Variants in GBP3 observed in about 807,000 individuals in gnomAD.
GBP3 encodes the protein guanylate binding protein 3, also known as guanylate-binding protein 3.
GBP3 carries 55 observed loss-of-function variants against 62.4 expected under a neutral mutation model. The ratio of observed to expected loss-of-function variants is 0.88; its 90% CI spans 0.71 to 1.10. The LOEUF (loss-of-function observed/expected upper bound fraction) is 1.10. Among genes scored for constraint, GBP3 ranks in the 50% least tolerant of loss-of-function variants. GBP3 has a pLI of 0.00. For synonymous variants in GBP3, 208 were observed against 259.2 expected, an observed-to-expected ratio of 0.80 and a Z score of 1.90; for missense variants, 605 against 690.6, an observed-to-expected ratio of 0.88 and a Z score of 1.39.
chr1:89,012,542 GTAAATA>G (rs141982464), intron 6 of GBP3, among the ~76,000 whole-genome samples: 1,537 of 139,068 alleles, frequency 0.011, 300 homozygotes, highest in South Asian at 0.019. Context: ...CTAAGTACAT[GTAAATA>G]TAAGCCTTTG....
Position 89,014,337 on chromosome 1 carries a change from T to G in GBP3, c.429-58A>C, listed in dbSNP as rs1678762900. ...GAACAGGAACCTCATCCCATATTAG[T>G]TCAACACATTCCCAAACCTTCCATT... On this transcript the variant is annotated intron_variant, in intron 4 of 10. Coordinates refer to ENST00000370481, the MANE Select transcript of GBP3 (RefSeq NM_018284.3). The G allele has an allele frequency of 1.9e-6, 3 of 1,612,262 alleles. No individual in the cohort carries two copies. In the East Asian group the frequency reaches 6.7e-5, roughly 36 times the overall value.
At position 89,014,259 on chromosome 1, in the gene GBP3, T is replaced by A. The variant is rs1242636841; in HGVS notation, c.449A>T (p.His150Leu). The A allele has an allele frequency of 6.2e-7, 1 of 1,614,082 alleles. No individual in the cohort carries two copies. The highest frequency in any genetic ancestry group is 8.5e-7 in the Non-Finnish European group (1 of 1,180,042). Reference protein sequence around the residue: ...DQLYYVTELTHRIRSKSSPDE... With the variant: ...DQLYYVTELTLRIRSKSSPDE... ...AGGTGAGGATTTTGATCGGATTCGA[T>A]GTGTCAGCTCTGTCACATAGCTGAG... Residue 150 changes from histidine to leucine, a missense_variant, in exon 5 of 11, where the codon CAT (histidine) becomes CTT (leucine). Physicochemically the swap from His to Leu is moderately conservative, Grantham distance 99. Coordinates refer to ENST00000370481, the MANE Select transcript of GBP3 (RefSeq NM_018284.3).
chr1:89,020,468 T>C, intron 2 of GBP3, 64 bp downstream of exon 2: 1 of 1,589,350 alleles, frequency 6.3e-7, no homozygotes, highest in South Asian at 1.1e-5. Context: ...CACATCCTCA[T>C]AATGGATGCT....
At position 89,014,004 on chromosome 1, in the gene GBP3, A is replaced by G. The variant is rs560581644; in HGVS notation, c.625+79T>C. 7 of 1,433,970 alleles carry G rather than the reference A, an allele frequency of 4.9e-6. No homozygotes were observed. The South Asian group carries it at 6.0e-5, about 12-fold the overall frequency. The allele number at this position is 1,433,970 out of a possible 1,614,324, so 88.8% of individuals were successfully genotyped here. ...GATATAGAAAACTGTAAATGTGAGAAAACTATCAATAGTAAACTAAAAAAT... is the reference window on the plus strand; with the variant it reads ...GATATAGAAAACTGTAAATGTGAGAGAACTATCAATAGTAAACTAAAAAAT... On this transcript the variant is annotated intron_variant, in intron 5 of 10. Coordinates refer to ENST00000370481, the MANE Select transcript of GBP3 (RefSeq NM_018284.3).
chr1:89,013,967 T>C (rs1678730745), intron 5 of GBP3, 116 bp downstream of exon 5: 4 of 1,141,208 alleles, frequency 3.5e-6, no homozygotes, highest in Non-Finnish European at 3.8e-6. Flanking sequence ...TTCTTAAGAA[T>C]AGCAAGCTAG....
intron 8 of GBP3, 117 bp from the exon 9 acceptor site, chr1:89,009,611 G>A (rs1255294501): frequency 1.6e-5 from 23 of 1,444,558 alleles, no homozygotes; most frequent in Non-Finnish European, 2.2e-5. Flanking sequence ...TGGTGTGCCT[G>A]GTGGTCAAGA....
chr1:89,007,335 C>G lies in GBP3; in HGVS notation c.*389G>C, dbSNP rs1220533960. On this transcript the variant is annotated 3_prime_UTR_variant, in exon 11 of 11. Coordinates refer to ENST00000370481, the MANE Select transcript of GBP3 (RefSeq NM_018284.3). Reference sequence around the variant, plus strand: ...CTTGTAGCCTTGATATAATGGAGAACTGTACACTGTCTTCCCTAGGAAGCT... The same window carrying G: ...CTTGTAGCCTTGATATAATGGAGAAGTGTACACTGTCTTCCCTAGGAAGCT... 1 of 171,860 alleles carries G rather than the reference C, an allele frequency of 5.8e-6. No homozygotes were observed. Among genetic ancestry groups the G allele is most frequent in the African/African-American group, 2.4e-5 (1 of 41,720 alleles). The allele number at this position is 171,860 out of a possible 1,614,324, so 10.6% of individuals were successfully genotyped here.
chr1:89,021,544 A>ACACACACAC (rs761151308), intron 1 of GBP3, among the ~76,000 whole-genome samples: 4 of 141,042 alleles, frequency 2.8e-5, no homozygotes, highest in South Asian at 4.8e-4. Context: ...ACACACACAC[A>ACACACACAC]CCCCAAAAAA....
chr1:89,019,447 C>A (rs1489688501), intron 2 of GBP3, among the ~76,000 whole-genome samples: 1 of 152,182 alleles, frequency 6.6e-6, no homozygotes, highest in Non-Finnish European at 1.5e-5. Context: ...TGCCACCATG[C>A]CCAGCTAATT....
intron 1 of GBP3, among the ~76,000 whole-genome samples, chr1:89,021,510 G>A (rs12410283): frequency 0.01 from 1,337 of 131,700 alleles, 27 homozygotes; most frequent in South Asian, 0.066. Flanking sequence ...GCGCGCGCGC[G>A]CACACACACA....
At position 89,011,649 on chromosome 1, in the gene GBP3, A is replaced by G. The variant is rs1243784735; in HGVS notation, c.1149+98T>C. 5.4e-6 allele frequency: 7 copies of G among 1,306,542 alleles called. 1 individual carries two copies. In the South Asian group the frequency reaches 9.6e-5, roughly 18 times the overall value. The allele number at this position is 1,306,542 out of a possible 1,614,324, so 80.9% of individuals were successfully genotyped here. ...ACTAGTTGTCACCATTTTAAAATCT[A>G]GAATAATTATTTGTCTCAAAATAAA... On this transcript the variant is annotated intron_variant, in intron 7 of 10. Coordinates refer to ENST00000370481, the MANE Select transcript of GBP3 (RefSeq NM_018284.3).
intron 2 of GBP3, among the ~76,000 whole-genome samples, chr1:89,015,750 A>G (rs1429058092): frequency 6.1e-5 from 9 of 148,604 alleles, no homozygotes; most frequent in African/African-American, 2.2e-4. Flanking sequence ...GTCTTAAAAA[A>G]AAAAAAAAAA....
intron 2 of GBP3, among the ~76,000 whole-genome samples, chr1:89,018,031 G>A (rs113611878): frequency 0.078 from 11,846 of 151,578 alleles, 1,552 homozygotes; most frequent in African/African-American, 0.27. Context: ...GTGAGCTGGG[G>A]TCGTGCCACT....
Position 89,007,618 on chromosome 1 carries a change from G to T in GBP3, c.*106C>A. 6.7e-6 allele frequency: 7 copies of T among 1,051,372 alleles called. No homozygotes were observed. Among genetic ancestry groups the T allele is most frequent in the Non-Finnish European group, 9.8e-6 (7 of 716,458 alleles). The allele number at this position is 1,051,372 out of a possible 1,614,324, so 65.1% of individuals were successfully genotyped here. On this transcript the variant is annotated 3_prime_UTR_variant, in exon 11 of 11. Transcript: ENST00000370481. ...CTGCATGTTCTTGTAAACTTTTAGTGTTATGATGCAAGATCTAATTATTAT... is the reference window on the plus strand; with the variant it reads ...CTGCATGTTCTTGTAAACTTTTAGTTTTATGATGCAAGATCTAATTATTAT...
chr1:89,011,351 G>A (rs1466893571), intron 7 of GBP3, among the ~76,000 whole-genome samples: 1 of 139,586 alleles, frequency 7.2e-6, no homozygotes, highest in East Asian at 2.1e-4. Context: ...TTAGAGGAAA[G>A]CTCTGCTTTT....
At chr1:89,009,561 G>C in intron 8 of GBP3, 67 bp from the exon 9 acceptor site, 4 of 1,593,268 alleles carry the variant, frequency 2.5e-6, no homozygotes, top group Non-Finnish European at 3.4e-6. Context: ...CTGTTCTTCT[G>C]CCCACCATCT....
intron 10 of GBP3, 94 bp downstream of exon 10, chr1:89,008,853 T>G: frequency 6.3e-7 from 1 of 1,584,046 alleles, no homozygotes; most frequent in South Asian, 1.1e-5. Flanking sequence ...ATCCTTCCCC[T>G]GGGCTTTATG....
Position 89,014,610 on chromosome 1 carries a change from A to C in GBP3, c.365T>G (p.Leu122Arg). ...GCTATTGTACACGAGAGTGCTGCTC[A>C]GGAGGACGGCCAGGGTGAAGATCCA... ...DSWIFTLAVL[L>R]SSTLVYNSMG... Residue 122 changes from leucine (L) to arginine (R), a missense_variant, in exon 4 of 11, where the codon CTG becomes CGG. Physicochemically the swap from Leu to Arg is moderately radical, Grantham distance 102. This residue lies in a region of GBP3 where 308 missense variants were observed against 318.0 expected (regional missense o/e 0.97). Coordinates refer to ENST00000370481, the MANE Select transcript of GBP3 (RefSeq NM_018284.3). 1 of 1,614,136 alleles carries C rather than the reference A, an allele frequency of 6.2e-7. No individual in the cohort carries two copies. Among genetic ancestry groups the C allele is most frequent in the Non-Finnish European group, 8.5e-7 (1 of 1,180,002 alleles).
chr1:89,015,476 G>A (rs1001453925), intron 2 of GBP3, 62 bp from the exon 3 acceptor site: 1 of 1,505,038 alleles, frequency 6.6e-7, no homozygotes, highest in African/African-American at 1.4e-5. Context: ...TCAGGAAATT[G>A]AGGCAAATGT....
Sources: gnomAD v4.1 joint callset for allele counts (sites outside exome capture counted in the v4.1 genomes callset) on GRCh38, gnomAD v4.1.1 for gene constraint, gnomAD v4.1.1 regional missense constraint, MANE v1.5 for transcripts, NCBI Gene and HGNC (gene_info 2026-07-23, HGNC 2026-07-21) for gene names.